TTC34: variants seen among roughly 807,000 people sequenced by gnomAD.
TTC34 encodes the protein tetratricopeptide repeat domain 34.
In TTC34, 44 loss-of-function variants were observed where a neutral mutation model predicts 40.7. The ratio of observed to expected loss-of-function variants is 1.08; its 90% confidence interval spans 0.85 to 1.39. TTC34 has a LOEUF of 1.39. Ranked by LOEUF, TTC34 falls within the 40% of genes most tolerant of loss-of-function variation. The pLI, the probability that TTC34 is intolerant of heterozygous loss-of-function variation, is 0.00. For synonymous variants in TTC34, 422 were observed against 398.6 expected (o/e 1.06, Z -0.70); for missense variants, 884 against 838.0 (o/e 1.05, Z -0.68).
At chr1:2,641,736 T>C in exon 9 of TTC34, 2 of 1,535,276 alleles carry the variant, frequency 1.3e-6, no homozygotes, top group South Asian at 2.4e-5. Context: ...TCCAGGTCCC[T>C]AAGGGCCCGG....
At position 2,752,104 on chromosome 1, in the gene TTC34, C is replaced by T. The variant is rs1374170335; in HGVS notation, c.2226+31505G>A. Reference sequence around the variant, plus strand: ...AGCACCCACACCTTCAGGCGAGCATCGGACAGCCTGGAGCAACACCCACGC... The same window carrying T: ...AGCACCCACACCTTCAGGCGAGCATTGGACAGCCTGGAGCAACACCCACGC... On this transcript the variant is annotated intron_variant, in intron 6 of 8. Transcript: ENST00000401095. Among the ~76,000 whole-genome samples, 5 of 109,116 alleles carry T rather than the reference C, an allele frequency of 4.6e-5. 2 individuals carry two copies. The East Asian group carries it at 1.4e-3, about 29-fold the overall frequency. 71.6% of individuals were successfully genotyped at this position (109,116 alleles called of 152,430 possible).
intron 6 of TTC34, among the ~76,000 whole-genome samples, chr1:2,755,602 A>T (rs1641477327): frequency 8.2e-6 from 1 of 122,238 alleles, no homozygotes; most frequent in African/African-American, 3.6e-5. Context: ...AGCATCCGAC[A>T]GCCTGGAGCA....
intron 6 of TTC34, chr1:2,775,353 C>T (rs1557670965): frequency 6.6e-6 from 1 of 150,608 alleles, no homozygotes; most frequent in South Asian, 2.1e-4. Context: ...CCCCGCTCTT[C>T]CAGGTGAGAA....
chr1:2,775,763 A>G (rs1285135032), intron 6 of TTC34: 2 of 146,124 alleles, frequency 1.4e-5, no homozygotes, highest in Non-Finnish European at 3.0e-5. Flanking sequence ...TTAGGTAAGA[A>G]TCTGAAAGCC....
intron 6 of TTC34, among the ~76,000 whole-genome samples, chr1:2,673,181 G>A (rs1570783680): frequency 1.3e-5 from 1 of 75,442 alleles, no homozygotes. Flanking sequence ...TGATGGTCTG[G>A]AGCAGCACCC....
At chr1:2,790,519 C>T (rs903418258) in intron 2 of TTC34, among the ~76,000 whole-genome samples, 173 bp from the exon 3 acceptor site, 4 of 152,194 alleles carry the variant, frequency 2.6e-5, no homozygotes, top group Admixed American at 2.6e-4. Context: ...GCCAGGACAC[C>T]AGCTGGCAGG....
chr1:2,682,068 C>G (rs1033983976), intron 6 of TTC34, among the ~76,000 whole-genome samples: 4 of 94,866 alleles, frequency 4.2e-5, no homozygotes, highest in South Asian at 3.9e-4. Context: ...ACCCCACACC[C>G]ACAGGTGAGC....
intron 6 of TTC34, among the ~76,000 whole-genome samples, chr1:2,767,890 C>G (rs1034504010): frequency 6.7e-6 from 1 of 150,106 alleles, no homozygotes; most frequent in Non-Finnish European, 1.5e-5. Flanking sequence ...CCCTCCACCA[C>G]CAGATGAGCA....
chr1:2,677,732 C>CA (rs1639964620), intron 6 of TTC34, among the ~76,000 whole-genome samples: 1 of 111,000 alleles, frequency 9.0e-6, no homozygotes, highest in Non-Finnish European at 2.0e-5. Context: ...CACCCTGCAC[C>CA]CCCAGGTGAG....
At chr1:2,675,424 C>G (rs1639870601) in intron 6 of TTC34, among the ~76,000 whole-genome samples, 3 of 117,548 alleles carry the variant, frequency 2.6e-5, no homozygotes, top group African/African-American at 6.3e-5. Flanking sequence ...ATCTGACAGC[C>G]TGGAACAGCA....
chr1:2,756,821 CCACACCCCG>C (rs1641522775), intron 6 of TTC34, among the ~76,000 whole-genome samples: 1 of 151,790 alleles, frequency 6.6e-6, no homozygotes. Flanking sequence ...GGAGCAGAAC[CCACACCCCG>C]AGGCGAGCAT....
At chr1:2,759,400 C>A (rs1205981968) in intron 6 of TTC34, among the ~76,000 whole-genome samples, 1 of 112,304 alleles carries the variant, frequency 8.9e-6, no homozygotes, top group Admixed American at 9.0e-5. Flanking sequence ...ACCCACACCC[C>A]CAGGTGGGCA....
intron 6 of TTC34, among the ~76,000 whole-genome samples, chr1:2,687,401 C>CT: frequency 7.9e-6 from 1 of 127,258 alleles, no homozygotes; most frequent in South Asian, 2.7e-4. Context: ...GAACGGCACC[C>CT]ACACCCCCAG....
chr1:2,689,860 C>G (rs200492729), intron 6 of TTC34, among the ~76,000 whole-genome samples: 1 of 99,784 alleles, frequency 1.0e-5, no homozygotes, highest in Non-Finnish European at 2.2e-5. Flanking sequence ...CCTGCACCCC[C>G]AGGTGAGCAT....
chr1:2,662,551 A>ACCCACAC (rs1639587159), intron 6 of TTC34, among the ~76,000 whole-genome samples: 1 of 64,308 alleles, frequency 1.6e-5, no homozygotes, highest in African/African-American at 5.2e-5. Flanking sequence ...CTGGAGCAGC[A>ACCCACAC]CCCACACCCC....
chr1:2,785,312 C>CCTGCACCCCAGGAGATCT (rs1553170528), intron 5 of TTC34, among the ~76,000 whole-genome samples: 10 of 152,270 alleles, frequency 6.6e-5, no homozygotes, highest in African/African-American at 2.4e-4. Flanking sequence ...CCAGGAGATC[C>CCTGCACCCCAGGAGATCT]CTGCGAGTCC....
At chr1:2,779,306 T>C (rs1257821883) in intron 6 of TTC34, among the ~76,000 whole-genome samples, 1 of 151,810 alleles carries the variant, frequency 6.6e-6, no homozygotes, top group Non-Finnish European at 1.5e-5. Flanking sequence ...AATTGCTTGA[T>C]CATATGGTAG....
intron 6 of TTC34, among the ~76,000 whole-genome samples, chr1:2,686,670 C>A (rs978141187): frequency 6.7e-6 from 1 of 149,460 alleles, no homozygotes; most frequent in African/African-American, 2.5e-5. Context: ...CAGCCTGGAA[C>A]AGCACCCTGC....
Position 2,750,139 on chromosome 1 carries a change from C to A in TTC34, c.2226+33470G>T, listed in dbSNP as rs1569688378. On this transcript the variant is annotated intron_variant, in intron 6 of 8. Transcript: ENST00000401095. ...GCACCCACACACCCAGGTGAGCATC[C>A]GACAGCGTGGAGCAGAACAAACACC... 2.3e-4 allele frequency among the ~76,000 whole-genome samples: 31 copies of A among 133,642 alleles called. 1 individual carries two copies. The highest frequency in any genetic ancestry group is 8.7e-4 in the African/African-American group (29 of 33,278). The allele number at this position is 133,642 out of a possible 152,430, so 87.7% of individuals were successfully genotyped here. A position where few individuals can be genotyped will look rare whatever the true frequency, so the allele number is the denominator to read the frequency against.
Sources: gnomAD v4.1 joint callset for allele counts (sites outside exome capture counted in the v4.1 genomes callset) on GRCh38, gnomAD v4.1.1 for gene constraint, MANE v1.5 for transcripts, NCBI Gene and HGNC (gene_info 2026-07-23, HGNC 2026-07-21) for gene names.